SNX2: variants seen among roughly 807,000 people sequenced by gnomAD.
The protein encoded by SNX2 is sorting nexin 2.
Under a neutral mutation model 69.9 loss-of-function variants are expected in SNX2, and 25 were observed. The observed-to-expected ratio is 0.36, with a 90% confidence interval of 0.26 to 0.50. The LOEUF is 0.50. Ranked by LOEUF, SNX2 falls within the 20% of genes least tolerant of loss-of-function variation. SNX2 has a pLI of 0.97. For synonymous variants in SNX2, 229 were observed against 200.4 expected (o/e 1.14, Z -1.20); for missense variants, 551 against 613.3 (o/e 0.90, Z 1.07).
At chr5:122,827,541 C>T in intron 13 of SNX2, 34 bp from the exon 14 acceptor site, 3 of 1,605,940 alleles carry the variant, frequency 1.9e-6, no homozygotes, top group Non-Finnish European at 1.7e-6. Context: ...ATTTAGCTTT[C>T]TACTAACGGA....
intron 10 of SNX2, 57 bp downstream of exon 10, chr5:122,817,430 A>G: frequency 9.3e-7 from 1 of 1,075,688 alleles, no homozygotes; most frequent in Non-Finnish European, 1.3e-6. Flanking sequence ...AAAATATTTT[A>G]TTTAAATTTT....
chr5:122,827,952 C>A (rs1754192795), intron 14 of SNX2: 2 of 240,884 alleles, frequency 8.3e-6, no homozygotes, highest in Admixed American at 5.2e-5. Context: ...GTTGGTCAGA[C>A]CTGTTTGAGT....
chr5:122,784,009 G>C (rs781125808), intron 1 of SNX2, among the ~76,000 whole-genome samples: 17 of 151,788 alleles, frequency 1.1e-4, no homozygotes, highest in Non-Finnish European at 2.2e-4. Context: ...TCTGTATGCT[G>C]AGTATTTCAT....
At chr5:122,808,471 G>A (rs1753700819) in intron 7 of SNX2, 116 bp downstream of exon 7, 2 of 671,680 alleles carry the variant, frequency 3.0e-6, no homozygotes, top group Non-Finnish European at 4.8e-6. Context: ...AGTACCACTT[G>A]GTGGCTTTTA....
chr5:122,790,285 A>AT (rs776796641), intron 1 of SNX2, among the ~76,000 whole-genome samples: 22 of 152,122 alleles, frequency 1.4e-4, no homozygotes, highest in Middle Eastern at 3.4e-3. Flanking sequence ...TGCCTGGCTA[A>AT]TTTTTTTGTA....
chr5:122,784,209 AC>A (rs1753033169), intron 1 of SNX2, among the ~76,000 whole-genome samples: 1 of 146,170 alleles, frequency 6.8e-6, no homozygotes, highest in Non-Finnish European at 1.5e-5. Context: ...CAGTCTTTAT[AC>A]CTTTTTTTTT....
chr5:122,795,736 T>C (rs1010902725), intron 2 of SNX2: 1 of 164,088 alleles, frequency 6.1e-6, no homozygotes, highest in Non-Finnish European at 1.3e-5. Flanking sequence ...AAAGCAAAAT[T>C]AAACTATGGA....
chr5:122,789,464 G>C (rs57366355), intron 1 of SNX2, among the ~76,000 whole-genome samples: 1,663 of 33,964 alleles, frequency 0.049, 23 homozygotes, highest in African/African-American at 0.18. Context: ...CACACACACA[G>C]ACACACACGG....
At chr5:122,816,700 G>T (rs1459130599) in intron 8 of SNX2, among the ~76,000 whole-genome samples, 1 of 151,812 alleles carries the variant, frequency 6.6e-6, no homozygotes, top group Admixed American at 6.6e-5. Context: ...CAAATGGAAA[G>T]TCTATTTTTT....
Position 122,831,780 on chromosome 5 carries a change from A to G in SNX2, c.*2132A>G, listed in dbSNP as rs77087265. On this transcript the variant is annotated 3_prime_UTR_variant, in exon 15 of 15. Transcript: ENST00000379516. ...ACATAGGATGGTTATTCAAGTTATTATTAAAATCTTCCATTCAGATGTGGT... is the reference window on the plus strand; with the variant it reads ...ACATAGGATGGTTATTCAAGTTATTGTTAAAATCTTCCATTCAGATGTGGT... 0.038 allele frequency among the ~76,000 whole-genome samples: 5,851 copies of G among 152,268 alleles called. 180 individuals carry two copies. Among genetic ancestry groups the G allele is most frequent in the East Asian group, 0.1 (519 of 5,178 alleles).
At chr5:122,817,395 C>G in intron 10 of SNX2, 22 bp downstream of exon 10, 1 of 1,457,674 alleles carries the variant, frequency 6.9e-7, no homozygotes, top group Non-Finnish European at 9.6e-7. Context: ...TTACTACTTA[C>G]GTAGTTAGCA....
intron 6 of SNX2, among the ~76,000 whole-genome samples, chr5:122,806,168 A>ACACACACACACACACACACC (rs1491247026): frequency 3.6e-4 from 52 of 145,638 alleles, no homozygotes; most frequent in African/African-American, 3.8e-4. Flanking sequence ...ACACACACAC[A>ACACACACACACACACACACC]GCCCACCATT....
Position 122,832,375 on chromosome 5 carries a change from G to T in SNX2, c.*2727G>T, listed in dbSNP as rs10064876. On this transcript the variant is annotated 3_prime_UTR_variant, in exon 15 of 15. Coordinates refer to ENST00000379516, the MANE Select transcript of SNX2 (RefSeq NM_003100.4). ...ATGTTGGAAAACAATTCTAATCAAAGAACTTCTATTAAGTAAAACAAGACA... is the reference window on the plus strand; with the variant it reads ...ATGTTGGAAAACAATTCTAATCAAATAACTTCTATTAAGTAAAACAAGACA... 3 of 147,884 alleles carry T rather than the reference G, an allele frequency of 2.0e-5. No homozygotes were observed. Among genetic ancestry groups the T allele is most frequent in the Non-Finnish European group, 3.0e-5 (2 of 67,124 alleles). 9.2% of individuals were successfully genotyped at this position (147,884 alleles called of 1,614,324 possible). A position where few individuals can be genotyped will look rare whatever the true frequency, so the allele number is the denominator to read the frequency against.
chr5:122,792,540 T>C (rs1052477168), intron 1 of SNX2, among the ~76,000 whole-genome samples: 4 of 149,416 alleles, frequency 2.7e-5, no homozygotes, highest in African/African-American at 9.9e-5. Context: ...GAGGTTACAG[T>C]GAGCCGAGAT....
intron 12 of SNX2, chr5:122,826,535 C>A: frequency 3.0e-6 from 1 of 329,472 alleles, no homozygotes; most frequent in Non-Finnish European, 4.3e-6. Context: ...TTTAGCTGTC[C>A]AGGCAACATT....
intron 1 of SNX2, among the ~76,000 whole-genome samples, chr5:122,790,769 T>G (rs758262951): frequency 1.3e-5 from 2 of 152,186 alleles, no homozygotes; most frequent in Non-Finnish European, 2.9e-5. Flanking sequence ...AGTAGGACTT[T>G]GGGAAAATAT....
intron 3 of SNX2, among the ~76,000 whole-genome samples, 158 bp downstream of exon 3, chr5:122,800,013 C>T (rs943081289): frequency 3.9e-5 from 6 of 152,118 alleles, no homozygotes; most frequent in South Asian, 2.1e-4. Flanking sequence ...TCTATCTTCC[C>T]CACTCTACCC....
At chr5:122,810,977 A>G (rs1482321987) in intron 7 of SNX2, among the ~76,000 whole-genome samples, 2 of 152,098 alleles carry the variant, frequency 1.3e-5, no homozygotes, top group Non-Finnish European at 2.9e-5. Context: ...GGATTCTAAA[A>G]CTGCATTTTT....
chr5:122,819,049 AC>A (rs781056469), intron 11 of SNX2, 26 bp downstream of exon 11: 2 of 1,561,840 alleles, frequency 1.3e-6, no homozygotes, highest in Admixed American at 3.4e-5. Flanking sequence ...CATGCTTCTC[AC>A]TTGTGTCGTG....
Sources: allele counts gnomAD v4.1 joint callset (sites outside exome capture counted in the v4.1 genomes callset), GRCh38; gene constraint gnomAD v4.1.1; transcripts MANE v1.5; gene names NCBI Gene and HGNC (gene_info 2026-07-23, HGNC 2026-07-21).